RBMX: variants seen among roughly 807,000 people sequenced by gnomAD.
RBMX encodes RNA-binding motif protein, X chromosome.
Under a neutral mutation model 29.3 loss-of-function variants are expected in RBMX, and 1 was observed. The observed-to-expected ratio is 0.03, with a 90% CI of 0.01 to 0.16. The LOEUF (loss-of-function observed/expected upper bound fraction) is 0.16, where lower values mean the gene tolerates loss of function less well. Ranked by LOEUF, RBMX falls within the 10% of genes least tolerant of loss-of-function variation. The pLI, the probability that RBMX is intolerant of heterozygous loss-of-function variation, is 1.00. For missense variants in RBMX, 121 were observed against 333.2 expected (o/e 0.36, Z 4.96); for synonymous variants, 102 against 102.3 (o/e 1.00, Z 0.02).
At chrX:136,878,902 G>C (rs997963438) in intron 3 of RBMX, 115 bp downstream of exon 3, 6 of 924,414 alleles carry the variant, frequency 6.5e-6, no homozygotes, top group Non-Finnish European at 7.5e-6. Flanking sequence ...ATCCCAGACA[G>C]GTATATACTG....
intron 8 of RBMX, 173 bp from the exon 9 acceptor site, chrX:136,874,625 T>A: frequency 1.8e-6 from 1 of 547,147 alleles, no homozygotes; most frequent in Non-Finnish European, 2.9e-6. Flanking sequence ...TGCTGAGATA[T>A]GGAATTGGAT....
At position 136,875,959 on chromosome X, in the gene RBMX, G is replaced by C. The variant is rs557539590; in HGVS notation, c.542-374C>G. Reference sequence around the variant, plus strand: ...TGGGATTACAGGTGCCCACCACCACGCCCAGCTAACTTTTGTATCTTTAGT... The same window carrying C: ...TGGGATTACAGGTGCCCACCACCACCCCCAGCTAACTTTTGTATCTTTAGT... On this transcript the variant is annotated intron_variant, in intron 5 of 8. Transcript: ENST00000320676. 2.9e-4 allele frequency among the ~76,000 whole-genome samples: 32 copies of C among 108,756 alleles called. No individual in the cohort carries two copies. The South Asian group carries it at 0.013, about 44-fold the overall frequency. 94.4% of individuals were successfully genotyped at this position (108,756 alleles called of 115,157 possible).
Position 136,875,181 on chromosome X carries a change from G to C in RBMX, c.783-13C>G. 4 of 1,211,102 alleles carry C rather than the reference G, an allele frequency of 3.3e-6. 1 individual carries two copies. The highest frequency in any genetic ancestry group is 4.5e-6 in the Non-Finnish European group (4 of 895,416). ...TCCATCTCTATCGCTAAATTAAAGA[G>C]AAACCTTTAAGTCCCAGAGAATCAA... On this transcript the variant is annotated splice_polypyrimidine_tract_variant and intron_variant, in intron 7 of 8. Transcript: ENST00000320676.
chrX:136,869,338 A>G (rs1773125561), downstream of RBMX: 1 of 112,687 alleles, frequency 8.9e-6, no homozygotes. Context: ...GTATAAACCC[A>G]GAAGAATCAA....
chrX:136,878,943 G>A (rs1350345673), intron 3 of RBMX, 74 bp downstream of exon 3: 12 of 1,168,243 alleles, frequency 1.0e-5, no homozygotes, highest in Non-Finnish European at 1.1e-5. Flanking sequence ...AGCTGTCCTA[G>A]ACCAGACTTG....
chrX:136,879,279 T>A, intron 2 of RBMX, 40 bp downstream of exon 2: 1 of 1,200,015 alleles, frequency 8.3e-7, no homozygotes, highest in Non-Finnish European at 1.1e-6. Flanking sequence ...AGCTTATATT[T>A]TAATTATAAT....
chrX:136,870,629 G>C (rs754525075), downstream of RBMX, among the ~76,000 whole-genome samples: 3 of 109,552 alleles, frequency 2.7e-5, no homozygotes, highest in Non-Finnish European at 5.7e-5. Flanking sequence ...TCAGGAGTTT[G>C]AGACCAGCCT....
At chrX:136,876,043 G>A (rs1280368851) in intron 5 of RBMX, among the ~76,000 whole-genome samples, 2 of 108,810 alleles carry the variant, frequency 1.8e-5, no homozygotes, top group Non-Finnish European at 3.8e-5. Context: ...CTCATGATCT[G>A]CCCACCTCAG....
In RBMX at chrX:136,877,956, C is replaced by G. The variant is rs763131484; in HGVS notation, c.347G>C (p.Ser116Thr). The change falls in exon 4 of 9, where the codon AGT becomes ACT. Residue 116 changes from serine to threonine, a missense_variant. Transcript: ENST00000320676. ...PRGLRGGRGG[S>T]GGTRGPPSRG... is the part of the protein sequence containing the mutation. ...TGAGGGAGGTCCCCTGGTTCCTCCA[C>G]TTCCTCCTCTTCCACCTCTAAGACC... 8.3e-7 allele frequency: 1 copy of G among 1,207,344 alleles called. No individual in the cohort carries two copies. The highest frequency in any genetic ancestry group is 3.0e-5 in the East Asian group (1 of 33,704).
At chrX:136,871,635 A>G (rs975225873), downstream of RBMX, among the ~76,000 whole-genome samples, 3 of 108,826 alleles carry the variant, frequency 2.8e-5, no homozygotes, top group Non-Finnish European at 5.7e-5. Flanking sequence ...TCCTTTTACA[A>G]AATGCACTGA....
At chrX:136,878,285 A>G (rs894890960) in intron 3 of RBMX, among the ~76,000 whole-genome samples, 199 bp from the exon 4 acceptor site, 7 of 110,994 alleles carry the variant, frequency 6.3e-5, no homozygotes, top group Non-Finnish European at 1.3e-4. Flanking sequence ...CTTAAAACCG[A>G]TACTGATGAT....
intron 1 of RBMX, 149 bp from the exon 2 acceptor site, chrX:136,879,602 G>A (rs1449767827): frequency 3.9e-6 from 2 of 508,532 alleles, no homozygotes; most frequent in Middle Eastern, 5.0e-4. Context: ...CTCAGCCACA[G>A]TAGGAAGCAA....
intron 8 of RBMX, 40 bp downstream of exon 8, chrX:136,875,046 T>C (rs2077712678): frequency 8.3e-7 from 1 of 1,202,980 alleles, no homozygotes; most frequent in Non-Finnish European, 1.1e-6. Context: ...ACCTAAAAAC[T>C]CAAGCTGGTG....
In RBMX at chrX:136,874,367, A is replaced by C. The variant is rs2077707686; in HGVS notation, c.951T>G (p.Arg317=). The change falls in exon 9 of 9, where the codon CGT becomes CGG. Residue 317 remains arginine (R), a synonymous_variant. Coordinates refer to ENST00000320676, the MANE Select transcript of RBMX (RefSeq NM_002139.4). ...TGTCTCGACTTCCACCATATCCGTC[A>C]CGTGAGCTGCTGTAATCATCATAGC... is the stretch of plus-strand genomic sequence containing the variant. ...SSRYDDYSSS[R]DGYGGSRDSY... 1 of 1,212,415 alleles carries C rather than the reference A, an allele frequency of 8.2e-7. No homozygotes were observed. The highest frequency in any genetic ancestry group is 1.1e-6 in the Non-Finnish European group (1 of 895,655).
At chrX:136,880,307 C>T (rs1034859395) in intron 1 of RBMX, among the ~76,000 whole-genome samples, 4 of 112,320 alleles carry the variant, frequency 3.6e-5, no homozygotes, top group Non-Finnish European at 7.5e-5. Flanking sequence ...AGCGCCATAC[C>T]AATGCAGGTA....
In RBMX at chrX:136,877,339, CCCA is replaced by C. The variant is rs1381359578; in HGVS notation, c.388+573_388+575del. ...AAGTGCTAAACTCTACCCCCCCCCC[CCCA>C]AAAAAAAACCATTATTGATTTGGGT... On this transcript the variant is annotated intron_variant, in intron 4 of 8. Coordinates refer to ENST00000320676, the MANE Select transcript of RBMX (RefSeq NM_002139.4). Among the ~76,000 whole-genome samples the C allele has an allele frequency of 1.3e-3, 113 of 86,059 alleles. 3 individuals carry two copies. The highest frequency in any genetic ancestry group is 4.6e-3 in the African/African-American group (110 of 23,736). 74.7% of individuals were successfully genotyped at this position (86,059 alleles called of 115,157 possible).
chrX:136,876,256 G>A (rs769101102), intron 5 of RBMX, among the ~76,000 whole-genome samples: 28 of 104,865 alleles, frequency 2.7e-4, no homozygotes, highest in Non-Finnish European at 4.5e-4. Context: ...CCCAAGTAGC[G>A]GGGATTACAG....
downstream of RBMX, chrX:136,872,412 T>TA: frequency 1.1e-6 from 1 of 939,723 alleles, no homozygotes; most frequent in Non-Finnish European, 1.5e-6. Flanking sequence ...ACTTGCCTAT[T>TA]ACTGCCCTCT....
intron 8 of RBMX, 181 bp from the exon 9 acceptor site, chrX:136,874,633 G>C (rs1343198666): frequency 1.9e-6 from 1 of 530,348 alleles, no homozygotes; most frequent in African/African-American, 2.4e-5. Context: ...TATGGAATTG[G>C]ATTCATTTTA....
Sources: allele counts gnomAD v4.1 joint callset (sites outside exome capture counted in the v4.1 genomes callset), GRCh38; gene constraint gnomAD v4.1.1; transcripts MANE v1.5; gene names NCBI Gene and HGNC (gene_info 2026-07-23, HGNC 2026-07-21).